The following MYBPC3 variants were observed in gnomAD, a reference collection of about 807,000 sequenced individuals.
The protein encoded by MYBPC3 is myosin binding protein C3.
A neutral mutation model predicts 159.3 loss-of-function variants in MYBPC3; 108 were observed. The observed-to-expected ratio is 0.68, with a 90% CI of 0.58 to 0.80. The LOEUF is 0.80. Among genes scored for constraint, MYBPC3 ranks in the 30% least tolerant of loss-of-function variants. The pLI, the probability that MYBPC3 is intolerant of heterozygous loss-of-function variation, is 0.00. For synonymous variants in MYBPC3, 730 were observed against 702.0 expected (o/e 1.04, Z -0.63); for missense variants, 1,631 against 1,762.1 (o/e 0.93, Z 1.33).
chr11:47,337,903 C>T, intron 23 of MYBPC3, 109 bp from the exon 24 acceptor site: 1 of 799,648 alleles, frequency 1.3e-6, no homozygotes, highest in Non-Finnish European at 2.0e-6. Flanking sequence ...GCCCCCACCA[C>T]CCCCAGATCC....
intron 9 of MYBPC3, 135 bp downstream of exon 9, chr11:47,347,291 T>A (rs2095895266): frequency 1.3e-6 from 2 of 1,521,654 alleles, no homozygotes; most frequent in Non-Finnish European, 1.8e-6. Context: ...ACTGGGATCA[T>A]CCCCTCGACA....
chr11:47,347,052 A>G (rs1449422764), intron 9 of MYBPC3, 23 bp from the exon 10 acceptor site: 1 of 833,920 alleles, frequency 1.2e-6, no homozygotes, highest in African/African-American at 1.7e-5. Context: ...AGCAGCAGCC[A>G]TAATGGAGGG....
Position 47,338,169 on chromosome 11 carries a change from C to A in MYBPC3, c.2308+351G>T, listed in dbSNP as rs572329333. Among the ~76,000 whole-genome samples, 1 of 152,162 alleles carries A rather than the reference C, an allele frequency of 6.6e-6. No homozygotes were observed. Among genetic ancestry groups the A allele is most frequent in the South Asian group, 2.1e-4 (1 of 4,822 alleles). ...TTCTCCACACCCAAAAGGCCCTTTC[C>A]CTCCTCCACCCCTTTGTACACAGTT... On this transcript the variant is annotated intron_variant, in intron 23 of 34. Coordinates refer to ENST00000545968, the MANE Select transcript of MYBPC3 (RefSeq NM_000256.3). The surrounding 1 kb of genome is among the most constrained non-coding windows in gnomAD (Gnocchi z 4.7).
At position 47,338,539 on chromosome 11, in the gene MYBPC3, G is replaced by T; in HGVS notation, c.2289C>A (p.Asn763Lys). The T allele has an allele frequency of 6.2e-7, 1 of 1,614,048 alleles. No individual in the cohort carries two copies. Among genetic ancestry groups the T allele is most frequent in the Non-Finnish European group, 8.5e-7 (1 of 1,179,908 alleles). ...VKNPVGEDQV[N>K]LTVKVIDVPD... Reference sequence around the variant, plus strand: ...CCTCACCGATGACCTTGACTGTGAGGTTGACCTGGTCCTCGCCCACAGGGT... The same window carrying T: ...CCTCACCGATGACCTTGACTGTGAGTTTGACCTGGTCCTCGCCCACAGGGT... Residue 763 changes from asparagine (N) to lysine (K), a missense_variant, in exon 23 of 35, where the codon AAC (asparagine) becomes AAA (lysine). Asn to Lys is a moderately conservative substitution (Grantham distance 94). Coordinates refer to ENST00000545968, the MANE Select transcript of MYBPC3 (RefSeq NM_000256.3). This position sits in a 1 kb window ranked among gnomAD's most constrained non-coding sequence, Gnocchi z 4.7.
At chr11:47,334,251 G>C (rs2095880184) in intron 27 of MYBPC3, among the ~76,000 whole-genome samples, 1 of 152,244 alleles carries the variant, frequency 6.6e-6, no homozygotes, top group Non-Finnish European at 1.5e-5. Context: ...CAACTTGACT[G>C]AAGTCACACA....
intron 12 of MYBPC3, 115 bp from the exon 13 acceptor site, chr11:47,343,739 G>A (rs917665912): frequency 2.3e-5 from 23 of 1,010,452 alleles, no homozygotes; most frequent in African/African-American, 8.3e-5. Flanking sequence ...CCTCTGTGCC[G>A]CCCCGCTTCC....
intron 20 of MYBPC3, among the ~76,000 whole-genome samples, chr11:47,340,290 C>T (rs567676345): frequency 9.9e-5 from 15 of 152,246 alleles, no homozygotes; most frequent in Admixed American, 4.6e-4. Flanking sequence ...CACACACACA[C>T]GCGCGCACAC....
At position 47,346,120 on chromosome 11, in the gene MYBPC3, G is replaced by A. The variant is rs896937227; in HGVS notation, c.1090+87C>T. 3.2e-5 allele frequency: 49 copies of A among 1,549,456 alleles called. No individual in the cohort carries two copies. The highest frequency in any genetic ancestry group is 4.2e-5 in the Non-Finnish European group (48 of 1,139,938). ...CCTGTGCCCTCTCCTCTCCCCTGTGGGGAAGGGCTAACCTATGCCCTCTCC... is the reference window on the plus strand; with the variant it reads ...CCTGTGCCCTCTCCTCTCCCCTGTGAGGAAGGGCTAACCTATGCCCTCTCC... On this transcript the variant is annotated intron_variant, in intron 12 of 34. Coordinates refer to ENST00000545968, the MANE Select transcript of MYBPC3 (RefSeq NM_000256.3). The surrounding 1 kb of genome is among the most constrained non-coding windows in gnomAD (Gnocchi z 5.3).
At position 47,341,175 on chromosome 11, in the gene MYBPC3, G is replaced by C. The variant is rs773371075; in HGVS notation, c.1860C>G (p.Gly620=). The C allele has an allele frequency of 9.4e-6, 15 of 1,601,486 alleles. No individual in the cohort carries two copies. Among genetic ancestry groups the C allele is most frequent in the Non-Finnish European group, 1.3e-5 (15 of 1,174,220 alleles). The part of the protein sequence containing the change: ...DEADYSFVPE[G]FACNLSAKLH... ...GCTTGGCTGACAGGTTGCAGGCGAA[G>C]CCCTCGGGCACAAAGCTGTAGTCAG... Residue 620 remains glycine, a synonymous_variant, in exon 19 of 35, where the codon GGC becomes GGG. Coordinates refer to ENST00000545968, the MANE Select transcript of MYBPC3 (RefSeq NM_000256.3).
chr11:47,332,494 A>C lies in MYBPC3; in HGVS notation c.3627+72T>G. The C allele has an allele frequency of 6.4e-7, 1 of 1,554,728 alleles. No homozygotes were observed. The highest frequency in any genetic ancestry group is 2.3e-5 in the East Asian group (1 of 44,270). On this transcript the variant is annotated intron_variant, in intron 32 of 34. Coordinates refer to ENST00000545968, the MANE Select transcript of MYBPC3 (RefSeq NM_000256.3). This position sits in a 1 kb window ranked among gnomAD's most constrained non-coding sequence, Gnocchi z 4.2. ...AAAGCAGGGGAGACAGGCTGGGGAG[A>C]GGACTGCTCAACGTCGGGGCCTGTG...
At position 47,347,925 on chromosome 11, in the gene MYBPC3, A is replaced by G. The variant is rs749597330; in HGVS notation, c.773-20T>C. The G allele has an allele frequency of 4.5e-5, 71 of 1,568,484 alleles. No individual in the cohort carries two copies. The highest frequency in any genetic ancestry group is 6.0e-5 in the Non-Finnish European group (69 of 1,157,152). ...TGGCCTCTGGGTTCAAAGGGTGGAG[A>G]GATGGGGGAAGGGGCTTCAGAGGGG... On this transcript the variant is annotated intron_variant, in intron 6 of 34. Transcript: ENST00000545968.
intron 23 of MYBPC3, 24 bp from the exon 24 acceptor site, chr11:47,337,818 C>T: frequency 6.5e-7 from 1 of 1,544,312 alleles, no homozygotes; most frequent in Non-Finnish European, 8.8e-7. Context: ...GATGGACCCA[C>T]ATCAGCCCTG....
intron 18 of MYBPC3, among the ~76,000 whole-genome samples, chr11:47,341,501 G>T (rs2095888559): frequency 6.6e-6 from 1 of 152,250 alleles, no homozygotes; most frequent in South Asian, 2.1e-4. Flanking sequence ...CAGGGGCTGG[G>T]TCTCATTAAT....
At chr11:47,341,276 C>T in intron 18 of MYBPC3, 32 bp from the exon 19 acceptor site, 2 of 1,519,998 alleles carry the variant, frequency 1.3e-6, no homozygotes, top group Non-Finnish European at 1.8e-6. Context: ...GGGGACCCCA[C>T]TGGGCCACAC....
intron 13 of MYBPC3, 107 bp from the exon 14 acceptor site, chr11:47,343,369 G>T: frequency 6.7e-7 from 1 of 1,482,290 alleles, no homozygotes; most frequent in Non-Finnish European, 8.9e-7. Context: ...TGGGAAATTA[G>T]GCCCAGAGAG....
chr11:47,334,902 G>A (rs1034072782), intron 27 of MYBPC3, 140 bp downstream of exon 27: 34 of 1,060,368 alleles, frequency 3.2e-5, no homozygotes, highest in Non-Finnish European at 4.0e-5. Context: ...GCGCATGGAC[G>A]ATGGCTCCAA....
rs2095894485 is a variant in MYBPC3 at position 47,346,648 on chromosome 11, C to G, written c.909-4G>C. On this transcript the variant is annotated splice_polypyrimidine_tract_variant and splice_region_variant and intron_variant, in intron 10 of 34. Coordinates refer to ENST00000545968, the MANE Select transcript of MYBPC3 (RefSeq NM_000256.3). The surrounding 1 kb of genome is among the most constrained non-coding windows in gnomAD (Gnocchi z 5.3). ...TCACCTCGGGGTCCGGAAACTGCTG[C>G]TCCAGGGGTGGGGGTGGGAGAAAGG... 2.5e-6 allele frequency: 4 copies of G among 1,593,452 alleles called. No individual in the cohort carries two copies. Among genetic ancestry groups the G allele is most frequent in the Non-Finnish European group, 3.4e-6 (4 of 1,168,238 alleles).
intron 16 of MYBPC3, 26 bp from the exon 17 acceptor site, chr11:47,342,770 G>A (rs11570081): frequency 1.4e-5 from 23 of 1,613,336 alleles, no homozygotes; most frequent in Non-Finnish European, 1.9e-5. Flanking sequence ...GGTGGCAAGT[G>A]CTGTGGCCTC....
rs2095893700 is a variant in MYBPC3, at chr11:47,346,058, C to T, written c.1090+149G>A. ...TGAGTCTCTGTGCTAAGCCGGACTC[C>T]GCTCTTTCCATGTATGTGGACGAGG... On this transcript the variant is annotated intron_variant, in intron 12 of 34. Transcript: ENST00000545968. This position sits in a 1 kb window ranked among gnomAD's most constrained non-coding sequence, Gnocchi z 5.3. 7.0e-6 allele frequency: 8 copies of T among 1,139,128 alleles called. No individual in the cohort carries two copies. Among genetic ancestry groups the T allele is most frequent in the South Asian group, 1.8e-5 (1 of 56,462 alleles). The allele number at this position is 1,139,128 out of a possible 1,614,324, so 70.6% of individuals were successfully genotyped here. A position where few individuals can be genotyped will look rare whatever the true frequency, so the allele number is the denominator to read the frequency against.
Sources: gnomAD v4.1 joint callset for allele counts (sites outside exome capture counted in the v4.1 genomes callset) on GRCh38, gnomAD v4.1.1 for gene constraint, Gnocchi (gnomAD v3.1) non-coding constraint, MANE v1.5 for transcripts, NCBI Gene and HGNC (gene_info 2026-07-23, HGNC 2026-07-21) for gene names.